DPP6: variants seen among roughly 807,000 people sequenced by gnomAD.
DPP6 encodes A-type potassium channel modulatory protein DPP6.
DPP6 carries 69 observed loss-of-function variants against 122.6 expected under a neutral mutation model. That is an observed-to-expected ratio of 0.56 (90% CI 0.46 to 0.69). The LOEUF is 0.69. DPP6 is among the 30% of genes least tolerant of loss of function. The pLI, the probability that DPP6 is intolerant of heterozygous loss-of-function variation, is 0.00. For missense variants in DPP6, 928 were observed against 1,116.9 expected (o/e 0.83, Z 2.41); for synonymous variants, 418 against 433.1 (o/e 0.97, Z 0.43).
At chr7:154,139,598 G>A (rs1048552819) in intron 1 of DPP6, among the ~76,000 whole-genome samples, 6 of 151,798 alleles carry the variant, frequency 4.0e-5, no homozygotes, top group African/African-American at 1.5e-4. Flanking sequence ...CATCGCAGTG[G>A]GTCAGGGAGA....
intron 1 of DPP6, among the ~76,000 whole-genome samples, chr7:153,952,715 T>C (rs956340594): frequency 2.0e-5 from 3 of 152,242 alleles, no homozygotes; most frequent in Admixed American, 2.0e-4. Flanking sequence ...TCTTATCTTA[T>C]TAATAGTTCA....
rs1563055659 is a variant in DPP6 at position 153,964,952 on chromosome 7, C to CTTTT, written c.51+77219_51+77220insTTTT. Among the ~76,000 whole-genome samples, 47 of 76,120 alleles carry CTTTT rather than the reference C, an allele frequency of 6.2e-4. 2 individuals carry two copies. The highest frequency in any genetic ancestry group is 4.9e-3 in the East Asian group (14 of 2,856). The allele number at this position is 76,120 out of a possible 152,430, so 49.9% of individuals were successfully genotyped here. A position where few individuals can be genotyped will look rare whatever the true frequency, so the allele number is the denominator to read the frequency against. The stretch of plus-strand genomic sequence containing the variant: ...TTTCTTTCTTTCTTTTTCTTTCTTT[C>CTTTT]TCTCTTTCTTTCTTTCATTTCTTTT... On this transcript the variant is annotated intron_variant, in intron 1 of 25. Coordinates refer to the DPP6 transcript ENST00000404039.
At chr7:154,750,718 G>A (rs912757474) in intron 8 of DPP6, among the ~76,000 whole-genome samples, 1 of 152,226 alleles carries the variant, frequency 6.6e-6, no homozygotes, top group African/African-American at 2.4e-5. Flanking sequence ...AGCGTGCCGT[G>A]TGGGAAGGAG....
chr7:154,301,698 T>C (rs527938684), intron 1 of DPP6, among the ~76,000 whole-genome samples: 1 of 152,184 alleles, frequency 6.6e-6, no homozygotes, highest in South Asian at 2.1e-4. Context: ...ATGTTTGTTC[T>C]CTGGAGGCAT....
intron 4 of DPP6, among the ~76,000 whole-genome samples, chr7:154,561,901 G>A (rs1467861574): frequency 6.6e-6 from 1 of 152,100 alleles, no homozygotes. Flanking sequence ...TAAGAAATAA[G>A]TAACCTGAAT....
chr7:154,791,544 G>A (rs546509055), intron 10 of DPP6, among the ~76,000 whole-genome samples: 8 of 152,278 alleles, frequency 5.3e-5, no homozygotes, highest in South Asian at 4.1e-4. Flanking sequence ...ACCTGGCCCC[G>A]CCCTTGACAT....
intron 1 of DPP6, among the ~76,000 whole-genome samples, chr7:153,924,770 C>T (rs1240554945): frequency 6.6e-6 from 1 of 152,182 alleles, no homozygotes; most frequent in Non-Finnish European, 1.5e-5. Context: ...CCAGGTGTTG[C>T]AGGACGTTGT....
chr7:154,334,248 T>C (rs1198390887), intron 1 of DPP6, among the ~76,000 whole-genome samples: 1 of 151,874 alleles, frequency 6.6e-6, no homozygotes, highest in Non-Finnish European at 1.5e-5. Flanking sequence ...TCCTGATCCC[T>C]AAGGATGCCG....
intron 1 of DPP6, among the ~76,000 whole-genome samples, chr7:153,889,480 C>T (rs1024890136): frequency 2.6e-5 from 4 of 152,190 alleles, no homozygotes; most frequent in African/African-American, 7.2e-5. Flanking sequence ...GATAAGGCAA[C>T]ATTATTGACT....
At chr7:154,653,826 T>C (rs1837044108) in intron 6 of DPP6, among the ~76,000 whole-genome samples, 1 of 152,184 alleles carries the variant, frequency 6.6e-6, no homozygotes, top group African/African-American at 2.4e-5. Context: ...CTGATCTTGA[T>C]ATTAGGTTTA....
chr7:154,245,635 C>CAAAAAAAAAAAAAAAAAAAAAAAAAAAAA (rs71182888), intron 1 of DPP6, among the ~76,000 whole-genome samples: 8 of 100,664 alleles, frequency 7.9e-5, no homozygotes, highest in African/African-American at 2.8e-4. Flanking sequence ...AAGACTGTCT[C>CAAAAAAAAAAAAAAAAAAAAAAAAAAAAA]AAAAAAAAAA....
intron 1 of DPP6, chr7:153,887,820 C>G: frequency 6.9e-7 from 1 of 1,454,226 alleles, no homozygotes; most frequent in Non-Finnish European, 9.3e-7. Context: ...TTCTCAGTCC[C>G]GAACCTCCCT....
intron 1 of DPP6, among the ~76,000 whole-genome samples, chr7:153,979,458 G>A (rs1426586838): frequency 7.2e-5 from 11 of 152,172 alleles, no homozygotes; most frequent in Admixed American, 7.2e-4. Flanking sequence ...TGAGGCAATG[G>A]GATTTTCTAA....
intron 9 of DPP6, among the ~76,000 whole-genome samples, chr7:154,772,195 T>A (rs1189543014): frequency 3.3e-5 from 5 of 152,198 alleles, no homozygotes; most frequent in African/African-American, 1.2e-4. Context: ...CCTTGCCCCA[T>A]TCCCACCCAC....
chr7:154,795,482 T>C (rs1202431046), intron 11 of DPP6, among the ~76,000 whole-genome samples: 1 of 152,214 alleles, frequency 6.6e-6, no homozygotes, highest in Admixed American at 6.5e-5. Flanking sequence ...TGACTCAGTG[T>C]AGGCTGAGGT....
chr7:154,061,352 T>C (rs1446310832), intron 1 of DPP6, among the ~76,000 whole-genome samples: 1 of 147,652 alleles, frequency 6.8e-6, no homozygotes, highest in Non-Finnish European at 1.5e-5. Context: ...TTCCATTGTA[T>C]GCGTCAGAGA....
rs1563335508 is a variant in DPP6 at position 154,223,559 on chromosome 7, G to A, written c.243+170496G>A. On this transcript the variant is annotated intron_variant, in intron 1 of 25. Transcript: ENST00000377770. ...AGCAAGATCAGCCAAGCCCCCTGAGGCTCTGAGATCAAATTGAAATCCGAA... is the reference window on the plus strand; with the variant it reads ...AGCAAGATCAGCCAAGCCCCCTGAGACTCTGAGATCAAATTGAAATCCGAA... Among the ~76,000 whole-genome samples, 3 of 149,260 alleles carry A rather than the reference G, an allele frequency of 2.0e-5. 1 individual carries two copies. The highest frequency in any genetic ancestry group is 5.1e-5 in the African/African-American group (2 of 39,164).
intron 1 of DPP6, among the ~76,000 whole-genome samples, chr7:154,417,727 A>G (rs1474350832): frequency 1.3e-5 from 2 of 152,216 alleles, no homozygotes; most frequent in African/African-American, 2.4e-5. Flanking sequence ...GATCATGTGC[A>G]TGATGGCTGT....
At chr7:153,981,158 C>T (rs1389979661) in intron 1 of DPP6, among the ~76,000 whole-genome samples, 1 of 152,026 alleles carries the variant, frequency 6.6e-6, no homozygotes, top group Non-Finnish European at 1.5e-5. Context: ...TTGAAGTATC[C>T]CACTATTATT....
Sources: allele counts gnomAD v4.1 joint callset (sites outside exome capture counted in the v4.1 genomes callset), GRCh38; gene constraint gnomAD v4.1.1; transcripts MANE v1.5; gene names NCBI Gene and HGNC (gene_info 2026-07-23, HGNC 2026-07-21).